The following DMD variants were observed in gnomAD, a reference collection of about 807,000 sequenced individuals.
DMD encodes dystrophin.
DMD carries 63 observed loss-of-function variants against 330.1 expected under a neutral mutation model. That is an observed-to-expected ratio of 0.19 (90% CI 0.16 to 0.24). The LOEUF (loss-of-function observed/expected upper bound fraction) is 0.24. Among genes scored for constraint, DMD ranks in the 10% least tolerant of loss-of-function variants. The pLI is 1.00. For synonymous variants in DMD, 1,223 were observed against 959.8 expected (o/e 1.27, Z -5.07); for missense variants, 3,344 against 2,684.1 (o/e 1.25, Z -5.43).
At position 31,927,642 on chromosome X, in the gene DMD, A is replaced by ATT. The variant is rs11378544; in HGVS notation, c.6912+1952_6912+1953dup. On this transcript the variant is annotated intron_variant, in intron 47 of 78. Transcript: ENST00000357033. ...CATTAAAGGTAGAAACCAAGAAGGGATTTTTTTTTTTCAAATAACTACCTG... is the reference window on the plus strand; with the variant it reads ...CATTAAAGGTAGAAACCAAGAAGGGATTTTTTTTTTTTTCAAATAACTACCTG... Among the ~76,000 whole-genome samples, 1,022 of 105,556 alleles carry ATT rather than the reference A, an allele frequency of 9.7e-3. 5 individuals carry two copies. The highest frequency in any genetic ancestry group is 0.015 in the Non-Finnish European group (761 of 51,301). The allele number at this position is 105,556 out of a possible 115,157, so 91.7% of individuals were successfully genotyped here. A position where few individuals can be genotyped will look rare whatever the true frequency, so the allele number is the denominator to read the frequency against.
chrX:32,753,073 C>A (rs774883538), intron 7 of DMD, among the ~76,000 whole-genome samples: 1 of 111,171 alleles, frequency 9.0e-6, no homozygotes, highest in Non-Finnish European at 1.9e-5. Context: ...CCATCCCCAC[C>A]TGTATTTTCC....
At chrX:33,310,250 A>AT (rs2053829739) in intron 1 of DMD, among the ~76,000 whole-genome samples, 1 of 111,622 alleles carries the variant, frequency 9.0e-6, no homozygotes, top group Non-Finnish European at 1.9e-5. Flanking sequence ...CATGGAGCCT[A>AT]TTGTAGCTGC....
chrX:31,365,979 A>G (rs969981617), intron 60 of DMD, among the ~76,000 whole-genome samples: 1 of 112,613 alleles, frequency 8.9e-6, no homozygotes, highest in African/African-American at 3.2e-5. Context: ...AATGCTGCCC[A>G]GTTGCACAGG....
At chrX:31,620,913 G>A (rs1316308557) in intron 55 of DMD, among the ~76,000 whole-genome samples, 2 of 111,581 alleles carry the variant, frequency 1.8e-5, no homozygotes, top group East Asian at 2.8e-4. Flanking sequence ...TTCAAATAAC[G>A]ACATAAATTT....
At chrX:32,715,590 G>C (rs891729212) in intron 7 of DMD, among the ~76,000 whole-genome samples, 1 of 108,528 alleles carries the variant, frequency 9.2e-6, no homozygotes, top group Non-Finnish European at 1.9e-5. Flanking sequence ...ATCACCTGAG[G>C]TCAGGAGTTT....
At chrX:31,143,180 C>T (rs1249159694) in intron 76 of DMD, among the ~76,000 whole-genome samples, 1 of 111,357 alleles carries the variant, frequency 9.0e-6, no homozygotes, top group Non-Finnish European at 1.9e-5. Flanking sequence ...GGTTCTGTGT[C>T]CCCATCCAAA....
chrX:32,255,324 T>A (rs1407547095), intron 43 of DMD, among the ~76,000 whole-genome samples: 1 of 111,596 alleles, frequency 9.0e-6, no homozygotes, highest in Non-Finnish European at 1.9e-5. Context: ...TTGGATCATA[T>A]AATAGTTCTT....
intron 75 of DMD, among the ~76,000 whole-genome samples, chrX:31,146,892 T>C (rs1213588121): frequency 2.7e-5 from 3 of 111,870 alleles, no homozygotes; most frequent in African/African-American, 9.8e-5. Context: ...TAAAGAACTA[T>C]GTGTTAGGGA....
chrX:32,645,012 C>T lies in DMD; in HGVS notation c.1101G>A (p.Glu367=), dbSNP rs2146833091. The part of the protein sequence containing the change: ...SAEDTLQAQG[E]ISNDVEVVKD... ...TCACCACTTCCACATCATTAGAAAT[C>T]TCTCCTTGTGCTTGCAATGTGTCCT... Residue 367 remains glutamate, a synonymous_variant, in exon 10 of 79, where the codon GAG becomes GAA. Transcript: ENST00000357033. The T allele has an allele frequency of 8.3e-7, 1 of 1,211,549 alleles. No homozygotes were observed.
At chrX:31,178,520 T>C in intron 70 of DMD, 149 bp downstream of exon 70, 1 of 977,317 alleles carries the variant, frequency 1.0e-6, no homozygotes. Flanking sequence ...CAACTGGACA[T>C]CAGCTTATTT....
intron 11 of DMD, among the ~76,000 whole-genome samples, chrX:32,627,925 A>G (rs1384414190): frequency 2.7e-5 from 3 of 110,599 alleles, no homozygotes; most frequent in Non-Finnish European, 5.7e-5. Context: ...GGTATATAGT[A>G]TGTGTTTATA....
intron 55 of DMD, among the ~76,000 whole-genome samples, chrX:31,509,507 G>C (rs1471379178): frequency 9.0e-6 from 1 of 111,584 alleles, no homozygotes. Context: ...ATTCTCACTA[G>C]TAGCATCAGT....
intron 57 of DMD, among the ~76,000 whole-genome samples, chrX:31,481,397 G>C (rs752185438): frequency 8.9e-6 from 1 of 112,035 alleles, no homozygotes; most frequent in Admixed American, 9.5e-5. Context: ...AGAATTCAGT[G>C]CAAGATTATG....
intron 44 of DMD, chrX:32,151,359 C>G (rs1248720476): frequency 9.0e-6 from 1 of 111,303 alleles, no homozygotes; most frequent in Admixed American, 9.5e-5. Context: ...TAGTTATATA[C>G]TTGTTTAAAA....
intron 2 of DMD, among the ~76,000 whole-genome samples, chrX:32,874,267 G>A (rs2083216758): frequency 8.9e-6 from 1 of 112,050 alleles, no homozygotes; most frequent in Non-Finnish European, 1.9e-5. Flanking sequence ...CATTTTTACA[G>A]AGAGCCAAAG....
At chrX:32,716,200 C>T (rs775824139) in intron 7 of DMD, among the ~76,000 whole-genome samples, 2 of 110,954 alleles carry the variant, frequency 1.8e-5, no homozygotes, top group African/African-American at 6.6e-5. Flanking sequence ...TGTTTCCTTG[C>T]CCAAATCTCA....
intron 29 of DMD, among the ~76,000 whole-genome samples, chrX:32,414,546 C>T (rs752305506): frequency 3.0e-4 from 34 of 111,969 alleles, no homozygotes; most frequent in African/African-American, 1.0e-3. Flanking sequence ...TCAAGGATTA[C>T]GGCTGTCCTG....
chrX:31,301,661 C>T (rs1352674108), intron 62 of DMD, among the ~76,000 whole-genome samples: 1 of 112,396 alleles, frequency 8.9e-6, no homozygotes, highest in African/African-American at 3.2e-5. Context: ...CAGAACCAAA[C>T]CATATCAGGC....
At chrX:32,200,137 A>G (rs916627427) in intron 44 of DMD, among the ~76,000 whole-genome samples, 5 of 111,310 alleles carry the variant, frequency 4.5e-5, no homozygotes, top group African/African-American at 1.3e-4. Flanking sequence ...AATTGGGATG[A>G]GAGAATGGAA....
Sources: gnomAD v4.1 joint callset for allele counts (sites outside exome capture counted in the v4.1 genomes callset) on GRCh38, gnomAD v4.1.1 for gene constraint, MANE v1.5 for transcripts, NCBI Gene and HGNC (gene_info 2026-07-23, HGNC 2026-07-21) for gene names.